Variants in SLC22A23 observed in about 807,000 individuals in gnomAD.
The protein encoded by SLC22A23 is ion transporter protein.
In SLC22A23, 26 loss-of-function variants were observed where a neutral mutation model predicts 61.0. The observed-to-expected ratio is 0.43, with a 90% CI of 0.31 to 0.59. The LOEUF is 0.59. SLC22A23 is among the 20% of genes least tolerant of loss of function. The pLI is 0.11. For missense variants in SLC22A23, 796 were observed against 934.7 expected, an observed-to-expected ratio of 0.85 and a Z score of 1.94; for synonymous variants, 430 against 413.9, an observed-to-expected ratio of 1.04 and a Z score of -0.47.
Position 3,317,849 on chromosome 6 carries a change from T to C in SLC22A23, c.1082+5985A>G, listed in dbSNP as rs1460710418. Among the ~76,000 whole-genome samples the C allele has an allele frequency of 6.6e-6, 1 of 152,130 alleles. No homozygotes were observed. Among genetic ancestry groups the C allele is most frequent in the Non-Finnish European group, 1.5e-5 (1 of 68,008 alleles). On this transcript the variant is annotated intron_variant, in intron 4 of 9. Coordinates refer to ENST00000406686, the MANE Select transcript of SLC22A23 (RefSeq NM_015482.2). This position sits in a 1 kb window ranked among gnomAD's most constrained non-coding sequence, Gnocchi z 4.4. ...CAGGCGAGCGCACCCTCCCATTCTC[T>C]GGCCACCAGCTGCCGCAGCTCTTCC...
intron 3 of SLC22A23, among the ~76,000 whole-genome samples, chr6:3,392,903 GTC>G (rs1322568386): frequency 6.6e-6 from 1 of 152,160 alleles, no homozygotes; most frequent in Admixed American, 6.5e-5. Flanking sequence ...ACACCTGGGA[GTC>G]TCTGGCCTAT....
intron 1 of SLC22A23, chr6:3,432,399 C>T (rs1770925964): frequency 1.0e-6 from 1 of 985,414 alleles, no homozygotes; most frequent in Non-Finnish European, 1.2e-6. Flanking sequence ...TTTTGCAGAA[C>T]CTAAAGGAAC....
intron 1 of SLC22A23, among the ~76,000 whole-genome samples, chr6:3,449,672 TGGGTCAGGGAG>T (rs1240948267): frequency 6.6e-6 from 1 of 152,204 alleles, no homozygotes; most frequent in Admixed American, 6.5e-5. Context: ...GATAATCCCC[TGGGTCAGGGAG>T]GGTGTAGGGA....
At chr6:3,450,981 C>A (rs566136730) in intron 1 of SLC22A23, among the ~76,000 whole-genome samples, 1 of 152,256 alleles carries the variant, frequency 6.6e-6, no homozygotes, top group African/African-American at 2.4e-5. Context: ...AAGCAACTTT[C>A]AGGATAAAGG....
chr6:3,296,564 C>T (rs1761114817), intron 5 of SLC22A23, among the ~76,000 whole-genome samples: 1 of 152,210 alleles, frequency 6.6e-6, no homozygotes, highest in Non-Finnish European at 1.5e-5. Context: ...ATGTGAGTGC[C>T]ATGTGAGTGT....
At chr6:3,313,708 C>T (rs1762483703) in intron 4 of SLC22A23, 2 of 152,162 alleles carry the variant, frequency 1.3e-5, no homozygotes, top group Admixed American at 1.3e-4. Flanking sequence ...AAGGCTGATA[C>T]CTGCTGGATT....
At position 3,273,185 on chromosome 6, in the gene SLC22A23, T is replaced by G. The variant is rs141223516; in HGVS notation, c.1931A>C (p.His644Pro). 1.4e-5 allele frequency: 23 copies of G among 1,613,218 alleles called. No homozygotes were observed. In the African/African-American group the frequency reaches 3.1e-4, roughly 21 times the overall value. ...EHYTRQPLLP[H>P]KKGEQPLLLT... The stretch of plus-strand genomic sequence containing the variant: ...CAGCAGTGGCTGCTCCCCCTTCTTG[T>G]GCGGCAGCAGCGGCTGGCGCGTGTA... The change falls in exon 10 of 10, where the codon CAC becomes CCC. Residue 644 changes from histidine to proline, a missense_variant. Transcript: ENST00000406686.
At chr6:3,298,055 G>T in intron 5 of SLC22A23, 36 bp downstream of exon 5, 1 of 1,468,798 alleles carries the variant, frequency 6.8e-7, no homozygotes, top group Non-Finnish European at 9.0e-7. Context: ...GCCCCGTGGA[G>T]CCTCTCTGAG....
At chr6:3,323,674 A>T in intron 4 of SLC22A23, 160 bp downstream of exon 4, 1 of 829,392 alleles carries the variant, frequency 1.2e-6, no homozygotes, top group Non-Finnish European at 1.9e-6. Context: ...CAGAAAGTTT[A>T]AACAATAAAA....
chr6:3,319,353 T>G (rs1314936995), intron 4 of SLC22A23, among the ~76,000 whole-genome samples: 2 of 152,200 alleles, frequency 1.3e-5, no homozygotes, highest in African/African-American at 4.8e-5. Context: ...GAAGTTTGTG[T>G]GACTTCCTCT....
rs561291199 is a variant in SLC22A23, at chr6:3,284,633, C to T, written c.1579+446G>A. Among the ~76,000 whole-genome samples, 936 of 152,318 alleles carry T rather than the reference C, an allele frequency of 6.1e-3. 9 individuals are homozygous for T. Among genetic ancestry groups the T allele is most frequent in the African/African-American group, 0.022 (899 of 41,554 alleles). Reference sequence around the variant, plus strand: ...CGGGTGCAGCAGCAGCTTCGAGGTGCAGGGCGGCACTGTGCTGTCCCCATG... The same window carrying T: ...CGGGTGCAGCAGCAGCTTCGAGGTGTAGGGCGGCACTGTGCTGTCCCCATG... On this transcript the variant is annotated intron_variant, in intron 8 of 9. Transcript: ENST00000406686.
chr6:3,429,435 T>C (rs532230774), intron 1 of SLC22A23, among the ~76,000 whole-genome samples: 2 of 152,308 alleles, frequency 1.3e-5, no homozygotes, highest in South Asian at 4.1e-4. Context: ...ATCACTGCCC[T>C]GCATGTCCCC....
chr6:3,285,172 A>G, intron 7 of SLC22A23, 61 bp from the exon 8 acceptor site: 3 of 1,603,846 alleles, frequency 1.9e-6, no homozygotes, highest in Non-Finnish European at 2.6e-6. Context: ...AGAAGAGAGA[A>G]GAGAGCACAT....
intron 1 of SLC22A23, among the ~76,000 whole-genome samples, chr6:3,444,103 A>G (rs1771757884): frequency 6.6e-6 from 1 of 152,234 alleles, no homozygotes; most frequent in Non-Finnish European, 1.5e-5. Flanking sequence ...TACCATGCAG[A>G]TGCCATGGGT....
intron 3 of SLC22A23, among the ~76,000 whole-genome samples, chr6:3,409,959 C>T (rs1328731918): frequency 2.0e-5 from 3 of 152,198 alleles, no homozygotes; most frequent in Non-Finnish European, 4.4e-5. Context: ...CGCAACCTCC[C>T]GTGTCCTTTG....
intron 3 of SLC22A23, among the ~76,000 whole-genome samples, chr6:3,366,467 A>T (rs919132010): frequency 4.0e-5 from 6 of 151,730 alleles, no homozygotes; most frequent in African/African-American, 1.5e-4. Context: ...AAATGGTGTT[A>T]ATTATTTAAC....
In SLC22A23 at chr6:3,444,455, C is replaced by T. The variant is rs138767144; in HGVS notation, c.654+11451G>A. Reference sequence around the variant, plus strand: ...GCTGCTATGAGCTCAAAGTCACCAACAACTCGTCTCTCAAATTCCACTCTC... The same window carrying T: ...GCTGCTATGAGCTCAAAGTCACCAATAACTCGTCTCTCAAATTCCACTCTC... On this transcript the variant is annotated intron_variant, in intron 1 of 9. Transcript: ENST00000406686. 7.2e-5 allele frequency among the ~76,000 whole-genome samples: 11 copies of T among 152,354 alleles called. No individual in the cohort carries two copies. In the East Asian group the frequency reaches 2.1e-3, roughly 29 times the overall value.
chr6:3,283,602 G>T, intron 9 of SLC22A23: 2 of 468,494 alleles, frequency 4.3e-6, no homozygotes, highest in Admixed American at 3.1e-5. Flanking sequence ...TATTTCCTGG[G>T]CCCAGAGTAG....
chr6:3,429,122 C>T (rs976587147), intron 1 of SLC22A23, among the ~76,000 whole-genome samples: 1 of 152,108 alleles, frequency 6.6e-6, no homozygotes, highest in African/African-American at 2.4e-5. Context: ...AATTATAACA[C>T]GTGGAAATTC....
Sources: allele counts gnomAD v4.1 joint callset (sites outside exome capture counted in the v4.1 genomes callset), GRCh38; gene constraint gnomAD v4.1.1; non-coding constraint Gnocchi (gnomAD v3.1); transcripts MANE v1.5; gene names NCBI Gene and HGNC (gene_info 2026-07-23, HGNC 2026-07-21).